GALNT17: variants seen among roughly 807,000 people sequenced by gnomAD.
GALNT17 encodes polypeptide N-acetylgalactosaminyltransferase 17.
A neutral mutation model predicts 63.7 loss-of-function variants in GALNT17; 29 were observed. That is an observed-to-expected ratio of 0.46 (90% confidence interval 0.34 to 0.62). The LOEUF (loss-of-function observed/expected upper bound fraction) is 0.62, where lower values mean the gene tolerates loss of function less well. Among genes scored for constraint, GALNT17 ranks in the 20% least tolerant of loss-of-function variants. The pLI is 0.01. For synonymous variants in GALNT17, 305 were observed against 318.3 expected (o/e 0.96, Z 0.45); for missense variants, 603 against 799.6 (o/e 0.75, Z 2.97).
chr7:71,168,460 T>C (rs1788485562), intron 1 of GALNT17, among the ~76,000 whole-genome samples: 1 of 151,950 alleles, frequency 6.6e-6, no homozygotes, highest in Non-Finnish European at 1.5e-5. Flanking sequence ...TAACCCCAGC[T>C]ACTCAGGAGG....
intron 1 of GALNT17, among the ~76,000 whole-genome samples, chr7:71,174,767 G>A (rs1014543563): frequency 1.3e-5 from 2 of 152,186 alleles, no homozygotes; most frequent in African/African-American, 4.8e-5. Context: ...AATGTCATCA[G>A]TTAAGGCTAT....
At chr7:71,373,478 G>C (rs758197347) in intron 2 of GALNT17, among the ~76,000 whole-genome samples, 2 of 152,150 alleles carry the variant, frequency 1.3e-5, no homozygotes, top group Non-Finnish European at 2.9e-5. Context: ...ACCTTGGGCA[G>C]TGGAGTGGTT....
chr7:71,228,183 T>C (rs1241582493), intron 1 of GALNT17, among the ~76,000 whole-genome samples: 1 of 152,050 alleles, frequency 6.6e-6, no homozygotes, highest in African/African-American at 2.4e-5. Flanking sequence ...AGCCCAGCTG[T>C]CTCTAAACAG....
intron 1 of GALNT17, among the ~76,000 whole-genome samples, chr7:71,294,409 CTTTTTTT>C (rs869086513): frequency 1.1e-5 from 1 of 91,920 alleles, no homozygotes; most frequent in Non-Finnish European, 1.9e-5. Flanking sequence ...CTCATAAGTC[CTTTTTTT>C]TTTTTTTTTT....
intron 3 of GALNT17, among the ~76,000 whole-genome samples, chr7:71,400,203 G>A (rs1176694172): frequency 1.3e-5 from 2 of 151,604 alleles, no homozygotes; most frequent in East Asian, 1.9e-4. Context: ...CTCTGTGTCC[G>A]TGTGTTCTCA....
intron 1 of GALNT17, among the ~76,000 whole-genome samples, chr7:71,261,628 A>G (rs1273445643): frequency 6.6e-6 from 1 of 152,106 alleles, no homozygotes; most frequent in Non-Finnish European, 1.5e-5. Context: ...AGACCCTGGA[A>G]GGTTGGCTTC....
intron 5 of GALNT17, among the ~76,000 whole-genome samples, chr7:71,472,231 C>A (rs544679570): frequency 2.6e-5 from 4 of 152,130 alleles, no homozygotes; most frequent in Non-Finnish European, 4.4e-5. Context: ...TCATCACTTC[C>A]CGAAGGCTCC....
At chr7:71,604,145 G>A (rs1790010859) in intron 6 of GALNT17, among the ~76,000 whole-genome samples, 1 of 152,106 alleles carries the variant, frequency 6.6e-6, no homozygotes. Flanking sequence ...ACTATGCTAA[G>A]TGCATACAAT....
intron 1 of GALNT17, among the ~76,000 whole-genome samples, chr7:71,290,048 A>G (rs546449714): frequency 6.6e-6 from 1 of 152,320 alleles, no homozygotes; most frequent in East Asian, 1.9e-4. Context: ...GTCTCAAAAA[A>G]AACCAAAAAC....
At chr7:71,703,274 A>C (rs1791677631) in intron 9 of GALNT17, among the ~76,000 whole-genome samples, 1 of 152,200 alleles carries the variant, frequency 6.6e-6, no homozygotes, top group South Asian at 2.1e-4. Context: ...AAGAGGTTTA[A>C]TTGGCTTTTG....
intron 1 of GALNT17, among the ~76,000 whole-genome samples, chr7:71,192,904 A>G (rs924359252): frequency 5.9e-5 from 9 of 151,882 alleles, no homozygotes; most frequent in Non-Finnish European, 1.2e-4. Context: ...GTTCCGTCAC[A>G]TGTGTTGCCT....
intron 2 of GALNT17, among the ~76,000 whole-genome samples, chr7:71,367,910 A>G (rs751743115): frequency 7.2e-5 from 11 of 152,126 alleles, no homozygotes; most frequent in Admixed American, 3.3e-4. Flanking sequence ...GGGACTTGTG[A>G]TGGAGCCACA....
chr7:71,273,060 G>A (rs1437752810), intron 1 of GALNT17, among the ~76,000 whole-genome samples: 1 of 151,520 alleles, frequency 6.6e-6, no homozygotes, highest in Non-Finnish European at 1.5e-5. Flanking sequence ...AGCAGTGAAG[G>A]TTGACAAGAC....
chr7:71,374,490 C>T (rs1283355926), intron 2 of GALNT17, among the ~76,000 whole-genome samples: 4 of 152,216 alleles, frequency 2.6e-5, no homozygotes, highest in African/African-American at 9.6e-5. Flanking sequence ...GAGAGCCCCT[C>T]GTGAGGCTCA....
chr7:71,532,804 G>A (rs865965279), intron 5 of GALNT17, among the ~76,000 whole-genome samples: 1 of 152,172 alleles, frequency 6.6e-6, no homozygotes, highest in African/African-American at 2.4e-5. Flanking sequence ...AAAAGTAGAT[G>A]CTAGAGGAGT....
At chr7:71,310,629 C>A (rs1024316593) in intron 1 of GALNT17, among the ~76,000 whole-genome samples, 1 of 152,194 alleles carries the variant, frequency 6.6e-6, no homozygotes, top group South Asian at 2.1e-4. Flanking sequence ...TCCTTCATGG[C>A]TAATCCAAAC....
chr7:71,471,762 A>G (rs1441193465), intron 5 of GALNT17, among the ~76,000 whole-genome samples: 1 of 151,964 alleles, frequency 6.6e-6, no homozygotes, highest in East Asian at 1.9e-4. Flanking sequence ...AACCAAGACC[A>G]TTTTTTTCCC....
chr7:71,310,580 C>T (rs1324622008), intron 1 of GALNT17, among the ~76,000 whole-genome samples: 1 of 152,208 alleles, frequency 6.6e-6, no homozygotes, highest in East Asian at 1.9e-4. Context: ...TCCCAGATGC[C>T]TTCAAGCAGT....
intron 1 of GALNT17, among the ~76,000 whole-genome samples, chr7:71,165,634 A>G (rs539598626): frequency 6.6e-6 from 1 of 152,256 alleles, no homozygotes; most frequent in Non-Finnish European, 1.5e-5. Flanking sequence ...TATGGAAGCT[A>G]CAATTCAAGA....
Sources: allele counts gnomAD v4.1 joint callset (sites outside exome capture counted in the v4.1 genomes callset), GRCh38; gene constraint gnomAD v4.1.1; transcripts MANE v1.5; gene names NCBI Gene and HGNC (gene_info 2026-07-23, HGNC 2026-07-21).